Variants in GPC3 observed in about 807,000 individuals in gnomAD.
GPC3 encodes glypican-3.
In GPC3, 3 loss-of-function variants were observed where a neutral mutation model predicts 34.4. The ratio of observed to expected loss-of-function variants is 0.09; its 90% CI spans 0.04 to 0.23. GPC3 has a LOEUF of 0.23. Among genes scored for constraint, GPC3 ranks in the 10% least tolerant of loss-of-function variants. The pLI, the probability that GPC3 is intolerant of heterozygous loss-of-function variation, is 1.00. For missense variants in GPC3, 351 were observed against 445.6 expected, an observed-to-expected ratio of 0.79 and a Z score of 1.91; for synonymous variants, 177 against 174.0, an observed-to-expected ratio of 1.02 and a Z score of -0.13.
At chrX:133,876,876 T>TTTTTACCTTCATCTG (rs2124579802) in intron 2 of GPC3, among the ~76,000 whole-genome samples, 1 of 111,800 alleles carries the variant, frequency 8.9e-6, no homozygotes, top group South Asian at 3.8e-4. Context: ...ACCTTCATCT[T>TTTTTACCTTCATCTG]CTTCCAAAAA....
intron 1 of GPC3, among the ~76,000 whole-genome samples, chrX:133,984,769 C>G: frequency 9.3e-6 from 1 of 106,973 alleles, no homozygotes; most frequent in Non-Finnish European, 1.9e-5. Context: ...CTGTCCTCAA[C>G]TTTGCTTGCA....
intron 6 of GPC3, among the ~76,000 whole-genome samples, chrX:133,626,151 T>C (rs2070296258): frequency 1.8e-5 from 2 of 111,823 alleles, no homozygotes; most frequent in African/African-American, 6.5e-5. Flanking sequence ...TTACACCTTA[T>C]ACAAAAATTA....
At chrX:133,774,635 A>G (rs2071957889) in intron 2 of GPC3, among the ~76,000 whole-genome samples, 1 of 111,672 alleles carries the variant, frequency 9.0e-6, no homozygotes, top group South Asian at 3.7e-4. Context: ...TTGAGAGATT[A>G]CTGTGTGTCA....
At chrX:133,820,517 C>A (rs2075714013) in intron 2 of GPC3, among the ~76,000 whole-genome samples, 1 of 111,268 alleles carries the variant, frequency 9.0e-6, no homozygotes, top group Admixed American at 9.6e-5. Flanking sequence ...GATTTTGGAA[C>A]TAGGAGGTTT....
At chrX:133,925,850 C>T (rs919169813) in intron 2 of GPC3, among the ~76,000 whole-genome samples, 4 of 111,696 alleles carry the variant, frequency 3.6e-5, no homozygotes, top group African/African-American at 1.3e-4. Context: ...AAGTAGAAAC[C>T]TACTTGAGTA....
chrX:133,763,828 T>C (rs1405842013), intron 2 of GPC3: 1 of 391,456 alleles, frequency 2.6e-6, no homozygotes, highest in Non-Finnish European at 4.5e-6. Flanking sequence ...GGTGGGAATG[T>C]AAATTAGTTC....
At chrX:133,558,192 C>T (rs1472439856) in intron 7 of GPC3, among the ~76,000 whole-genome samples, 1 of 111,410 alleles carries the variant, frequency 9.0e-6, no homozygotes. Context: ...AAATGTGAAG[C>T]CCCCTTTTGA....
chrX:133,598,213 C>T (rs1472468086), intron 6 of GPC3, among the ~76,000 whole-genome samples: 14 of 111,229 alleles, frequency 1.3e-4, no homozygotes, highest in African/African-American at 4.6e-4. Flanking sequence ...GGTGCAGTGG[C>T]ATGATCATGG....
intron 2 of GPC3, among the ~76,000 whole-genome samples, chrX:133,835,867 C>T (rs977845132): frequency 8.8e-6 from 1 of 113,019 alleles, no homozygotes; most frequent in African/African-American, 3.2e-5. Flanking sequence ...AATTTAGAGA[C>T]CACCAGAGGC....
rs2069919599 is a variant in GPC3, at chrX:133,596,602, G to A, written c.1414-3C>T. On this transcript the variant is annotated splice_polypyrimidine_tract_variant and splice_region_variant and intron_variant, in intron 6 of 7. Coordinates refer to ENST00000370818, the MANE Select transcript of GPC3 (RefSeq NM_004484.4). ...GGCATAGACATGGTTCTCAGGAGCTGAAAGAAAACAACCAGGAATGCATCA... is the reference window on the plus strand; with the variant it reads ...GGCATAGACATGGTTCTCAGGAGCTAAAAGAAAACAACCAGGAATGCATCA... The A allele has an allele frequency of 1.7e-6, 2 of 1,209,297 alleles. No homozygotes were observed.
intron 2 of GPC3, among the ~76,000 whole-genome samples, chrX:133,902,038 G>A (rs1378707016): frequency 1.8e-5 from 2 of 111,528 alleles, no homozygotes; most frequent in Non-Finnish European, 3.8e-5. Flanking sequence ...CCAGGGGTTG[G>A]GCCAGATGAT....
intron 6 of GPC3, among the ~76,000 whole-genome samples, chrX:133,652,599 G>A (rs2070615090): frequency 9.0e-6 from 1 of 111,616 alleles, no homozygotes; most frequent in Non-Finnish European, 1.9e-5. Context: ...AAAGCACATA[G>A]TTAGGAGTAA....
Position 133,633,839 on chromosome X carries a change from G to A in GPC3, c.1413+27891C>T, listed in dbSNP as rs1366013854. 4.5e-5 allele frequency among the ~76,000 whole-genome samples: 5 copies of A among 111,727 alleles called. No individual in the cohort carries two copies. The East Asian group carries it at 1.4e-3, about 31-fold the overall frequency. On this transcript the variant is annotated intron_variant, in intron 6 of 7. Transcript: ENST00000370818. ...TCTGTTTAGTTCAATGAATTGCTAT[G>A]GACCATGTCAGCCCTTTACTTGCTC...
chrX:133,842,362 A>ATATATTATATTATATTATAT (rs779329401), intron 2 of GPC3, among the ~76,000 whole-genome samples: 1,510 of 106,216 alleles, frequency 0.014, 37 homozygotes, highest in African/African-American at 0.049. Flanking sequence ...ACTCCCCTAT[A>ATATATTATATTATATTATAT]TATATTACAT....
At chrX:133,810,890 C>T (rs995177150) in intron 2 of GPC3, among the ~76,000 whole-genome samples, 1 of 108,129 alleles carries the variant, frequency 9.2e-6, no homozygotes, top group Non-Finnish European at 1.9e-5. Flanking sequence ...AGAAAGAGGC[C>T]TGGCCTAGAA....
At chrX:133,760,982 A>T (rs962441437) in intron 2 of GPC3, among the ~76,000 whole-genome samples, 79 of 109,001 alleles carry the variant, frequency 7.2e-4, no homozygotes, top group East Asian at 2.3e-3. Context: ...TTTTTTTTTT[A>T]AAAACTAGAT....
chrX:133,908,397 C>T (rs80163859), intron 2 of GPC3, among the ~76,000 whole-genome samples: 4,580 of 110,875 alleles, frequency 0.041, 101 homozygotes, highest in Non-Finnish European at 0.063. Flanking sequence ...CTAACAAAGT[C>T]CTCACAGAGC....
At position 133,781,906 on chromosome X, in the gene GPC3, T is replaced by C. The variant is rs778387908; in HGVS notation, c.338-27730A>G. The stretch of plus-strand genomic sequence containing the variant: ...GTCTGGTGTGAAATCCAATCTCTCT[T>C]ATGCCCTCAACAGCTTATTTTGGGT... On this transcript the variant is annotated intron_variant, in intron 2 of 7. Transcript: ENST00000370818. Among the ~76,000 whole-genome samples, 339 of 111,859 alleles carry C rather than the reference T, an allele frequency of 3.0e-3. 2 individuals are homozygous for C. The highest frequency in any genetic ancestry group is 0.011 in the African/African-American group (328 of 30,787).
intron 2 of GPC3, among the ~76,000 whole-genome samples, chrX:133,906,894 C>T (rs189187364): frequency 1.8e-5 from 2 of 111,327 alleles, no homozygotes; most frequent in Non-Finnish European, 3.8e-5. Context: ...CTGGCTAACA[C>T]GAGACCATCC....
Sources: allele counts gnomAD v4.1 joint callset (sites outside exome capture counted in the v4.1 genomes callset), GRCh38; gene constraint gnomAD v4.1.1; transcripts MANE v1.5; gene names NCBI Gene and HGNC (gene_info 2026-07-23, HGNC 2026-07-21).